RGL1: variants seen among roughly 807,000 people sequenced by gnomAD.
RGL1 encodes ral guanine nucleotide dissociation stimulator like 1, also known as ral guanine nucleotide dissociation stimulator-like 1.
Under a neutral mutation model 95.2 loss-of-function variants are expected in RGL1, and 24 were observed. The observed-to-expected ratio is 0.25, with a 90% CI of 0.18 to 0.35. RGL1 has a LOEUF of 0.35. Ranked by LOEUF, RGL1 falls within the 10% of genes least tolerant of loss-of-function variation. RGL1 has a pLI of 1.00. For missense variants in RGL1, 715 were observed against 936.3 expected (o/e 0.76, Z 3.08); for synonymous variants, 329 against 344.9 (o/e 0.95, Z 0.51).
At chr1:183,813,553 C>T (rs1558222414) in intron 2 of RGL1, among the ~76,000 whole-genome samples, 1 of 152,084 alleles carries the variant, frequency 6.6e-6, no homozygotes, top group Non-Finnish European at 1.5e-5. Context: ...CCCTACAAAC[C>T]AAACAAATTG....
chr1:183,650,404 G>A (rs1201950939), intron 1 of RGL1, among the ~76,000 whole-genome samples: 1 of 152,060 alleles, frequency 6.6e-6, no homozygotes, highest in Non-Finnish European at 1.5e-5. Context: ...TTAGCCAGGT[G>A]TGGTGGCATG....
chr1:183,905,929 T>C (rs1309819514), intron 13 of RGL1, among the ~76,000 whole-genome samples: 1 of 152,210 alleles, frequency 6.6e-6, no homozygotes, highest in East Asian at 1.9e-4. Context: ...ATCTCATCTA[T>C]GGTTGCTTTC....
In RGL1 at chr1:183,847,633, T is replaced by C. The variant is rs769377883; in HGVS notation, c.206T>C (p.Ile69Thr). 2 of 1,614,140 alleles carry C rather than the reference T, an allele frequency of 1.2e-6. No homozygotes were observed. The highest frequency in any genetic ancestry group is 1.7e-6 in the Non-Finnish European group (2 of 1,179,966). The part of the protein sequence containing the change: ...SQYETCKIRT[I>T]KAGTLEKLVE... Reference sequence around the variant, plus strand: ...TATGAAACCTGTAAGATCAGGACCATAAAAGCTGGCACCTTGGAGAAGCTT... The same window carrying C: ...TATGAAACCTGTAAGATCAGGACCACAAAAGCTGGCACCTTGGAGAAGCTT... The change falls in exon 3 of 18, where the codon ATA (isoleucine) becomes ACA (threonine). Residue 69 changes from isoleucine (I) to threonine (T), a missense_variant. Physicochemically the swap from Ile to Thr is moderately conservative, Grantham distance 89. Coordinates refer to ENST00000360851, the MANE Select transcript of RGL1 (RefSeq NM_001297671.3).
chr1:183,881,284 GGAA>G (rs1666811454), intron 5 of RGL1, among the ~76,000 whole-genome samples: 1 of 152,142 alleles, frequency 6.6e-6, no homozygotes, highest in African/African-American at 2.4e-5. Context: ...CCAAAAGCTT[GGAA>G]AAGGTGTTTG....
At chr1:183,904,995 G>C in intron 13 of RGL1, 24 bp downstream of exon 13, 1 of 1,600,776 alleles carries the variant, frequency 6.2e-7, no homozygotes, top group Non-Finnish European at 8.5e-7. Flanking sequence ...TCGTTCATCG[G>C]GGTAGAACTG....
chr1:183,912,806 G>A lies in RGL1; in HGVS notation c.1749+538G>A, dbSNP rs146963550. On this transcript the variant is annotated intron_variant, in intron 15 of 17. Coordinates refer to ENST00000360851, the MANE Select transcript of RGL1 (RefSeq NM_001297671.3). ...TGGAGTAACGGGCTACCCAGGGCAT[G>A]CCCTTAGCATGCTAAGACGGACAAG... is the stretch of plus-strand genomic sequence containing the variant. Among the ~76,000 whole-genome samples, 496 of 152,310 alleles carry A rather than the reference G, an allele frequency of 3.3e-3. 2 individuals are homozygous for A. The highest frequency in any genetic ancestry group is 6.5e-3 in the African/African-American group (272 of 41,558).
chr1:183,670,987 A>C (rs1479923775), intron 1 of RGL1, among the ~76,000 whole-genome samples: 1 of 152,342 alleles, frequency 6.6e-6, no homozygotes, highest in Admixed American at 6.5e-5. Context: ...TCAGTTCTGC[A>C]TGGCTGGGGA....
chr1:183,776,141 ATTTTTTTTTT>A (rs66738956), intron 2 of RGL1, among the ~76,000 whole-genome samples: 2 of 88,800 alleles, frequency 2.3e-5, no homozygotes, highest in African/African-American at 9.4e-5. Context: ...GGGAATACAG[ATTTTTTTTTT>A]TTTTTTTTTT....
intron 1 of RGL1, among the ~76,000 whole-genome samples, chr1:183,710,843 A>G (rs1019345213): frequency 1.3e-5 from 2 of 152,208 alleles, no homozygotes; most frequent in Non-Finnish European, 2.9e-5. Context: ...GAGTCAAACC[A>G]TATCACCAGG....
At chr1:183,668,612 G>A (rs1465262306) in intron 1 of RGL1, among the ~76,000 whole-genome samples, 2 of 151,908 alleles carry the variant, frequency 1.3e-5, no homozygotes, top group African/African-American at 4.8e-5. Context: ...ACCTGGCTGC[G>A]ATTTTTTCTT....
At chr1:183,764,025 A>C (rs1658837652) in intron 2 of RGL1, among the ~76,000 whole-genome samples, 1 of 152,234 alleles carries the variant, frequency 6.6e-6, no homozygotes, top group Admixed American at 6.5e-5. Flanking sequence ...ATATTTGTAA[A>C]GGGTGACCTT....
chr1:183,798,074 A>G (rs1041233455), intron 2 of RGL1, among the ~76,000 whole-genome samples: 3 of 152,220 alleles, frequency 2.0e-5, no homozygotes, highest in African/African-American at 7.2e-5. Context: ...GTTTCACATT[A>G]GTCTGCTTAG....
intron 2 of RGL1, among the ~76,000 whole-genome samples, chr1:183,771,917 C>T (rs949484130): frequency 6.6e-6 from 1 of 152,160 alleles, no homozygotes; most frequent in African/African-American, 2.4e-5. Context: ...AGTGGCTGGA[C>T]GGTGAGAGGA....
At chr1:183,643,743 G>A (rs764883699) in intron 1 of RGL1, among the ~76,000 whole-genome samples, 1 of 152,168 alleles carries the variant, frequency 6.6e-6, no homozygotes, top group Non-Finnish European at 1.5e-5. Context: ...GAACCACCGT[G>A]CTTGGCCAAG....
chr1:183,823,046 T>G (rs751726156), intron 2 of RGL1, among the ~76,000 whole-genome samples: 2 of 152,208 alleles, frequency 1.3e-5, no homozygotes, highest in Non-Finnish European at 2.9e-5. Context: ...AGGTAGTAAG[T>G]GATTCTTCTC....
At chr1:183,756,467 T>A (rs996558009) in intron 2 of RGL1, among the ~76,000 whole-genome samples, 16 of 152,202 alleles carry the variant, frequency 1.1e-4, no homozygotes, top group African/African-American at 3.6e-4. Flanking sequence ...GTCTCTTACT[T>A]AGAAACTTAG....
chr1:183,881,925 G>A (rs1666845877), intron 5 of RGL1, among the ~76,000 whole-genome samples: 2 of 152,212 alleles, frequency 1.3e-5, no homozygotes, highest in Non-Finnish European at 2.9e-5. Context: ...ACGCTGTGTT[G>A]GAGCCCAGCT....
chr1:183,696,455 G>A (rs1654257769), intron 1 of RGL1, among the ~76,000 whole-genome samples: 1 of 152,140 alleles, frequency 6.6e-6, no homozygotes, highest in Admixed American at 6.5e-5. Flanking sequence ...CACATACAAT[G>A]GGTGCCTTAG....
At chr1:183,815,291 A>G (rs1457574160) in intron 2 of RGL1, among the ~76,000 whole-genome samples, 1 of 152,152 alleles carries the variant, frequency 6.6e-6, no homozygotes, top group Admixed American at 6.5e-5. Context: ...AAAAAAATTA[A>G]ATTGCAATAC....
Sources: gnomAD v4.1 joint callset for allele counts (sites outside exome capture counted in the v4.1 genomes callset) on GRCh38, gnomAD v4.1.1 for gene constraint, MANE v1.5 for transcripts, NCBI Gene and HGNC (gene_info 2026-07-23, HGNC 2026-07-21) for gene names.